ZNF248: variants seen among roughly 807,000 people sequenced by gnomAD.
ZNF248 encodes zinc finger protein 248.
ZNF248 carries 20 observed loss-of-function variants against 44.3 expected under a neutral mutation model. The observed-to-expected ratio is 0.45, with a 90% CI of 0.32 to 0.66. ZNF248 has a LOEUF of 0.66. ZNF248 is among the 30% of genes least tolerant of loss of function. The pLI is 0.04. For synonymous variants in ZNF248, 224 were observed against 229.0 expected (o/e 0.98, Z 0.20); for missense variants, 654 against 677.0 (o/e 0.97, Z 0.38).
At chr10:37,770,217 C>A in the ZNF248 span, among the ~76,000 whole-genome samples, 1 of 152,124 alleles carries the variant, frequency 6.6e-6, no homozygotes, top group Admixed American at 6.5e-5. Flanking sequence ...TTTACAGATT[C>A]AATGCCATCC....
downstream of ZNF248, among the ~76,000 whole-genome samples, chr10:37,774,643 G>A (rs1345679710): frequency 2.0e-5 from 3 of 152,166 alleles, no homozygotes; most frequent in Admixed American, 1.3e-4. Flanking sequence ...AACAAACAGC[G>A]TGGCAATCAC....
chr10:37,791,456 T>G (rs1165301989), intron 6 of ZNF248: 1 of 152,150 alleles, frequency 6.6e-6, no homozygotes, highest in Non-Finnish European at 1.5e-5. Flanking sequence ...TACTTTCAGG[T>G]ATATTCGTTT....
intron 6 of ZNF248, among the ~76,000 whole-genome samples, chr10:37,817,898 C>A: frequency 6.6e-6 from 1 of 151,904 alleles, no homozygotes; most frequent in East Asian, 1.9e-4. Context: ...TCTGTATTTT[C>A]TTTTTTATTT....
the ZNF248 span, among the ~76,000 whole-genome samples, chr10:37,769,611 C>T: frequency 8.5e-3 from 1,290 of 152,152 alleles, 22 homozygotes; most frequent in African/African-American, 0.029. Context: ...TAAGTATTGA[C>T]GGGACGTATC....
At chr10:37,812,780 T>C (rs933340660) in intron 6 of ZNF248, among the ~76,000 whole-genome samples, 1 of 150,754 alleles carries the variant, frequency 6.6e-6, no homozygotes, top group African/African-American at 2.4e-5. Flanking sequence ...ACAATGGTAC[T>C]CCATGGAAGG....
chr10:37,856,995 T>A (rs2061404717), intron 1 of ZNF248, 190 bp downstream of exon 1: 1 of 152,416 alleles, frequency 6.6e-6, no homozygotes, highest in South Asian at 2.1e-4. Flanking sequence ...TGCACTACCA[T>A]CCGGCGGGGA....
At chr10:37,787,005 C>A (rs1267431454) in intron 6 of ZNF248, among the ~76,000 whole-genome samples, 3 of 152,128 alleles carry the variant, frequency 2.0e-5, no homozygotes, top group African/African-American at 7.2e-5. Flanking sequence ...ATAGGCCAGG[C>A]ACTTTGGCTC....
At chr10:37,768,615 C>T in the ZNF248 span, among the ~76,000 whole-genome samples, 1 of 152,068 alleles carries the variant, frequency 6.6e-6, no homozygotes, top group Admixed American at 6.6e-5. Context: ...GGGACACATT[C>T]AAAGCAGTGT....
chr10:37,827,457 T>C (rs909094685), downstream of ZNF248, among the ~76,000 whole-genome samples: 1 of 152,200 alleles, frequency 6.6e-6, no homozygotes, highest in African/African-American at 2.4e-5. Context: ...AGTTCTCACC[T>C]ACCAAAGTAT....
intron 5 of ZNF248, among the ~76,000 whole-genome samples, chr10:37,835,670 G>A (rs1039816189): frequency 3.9e-5 from 6 of 152,156 alleles, no homozygotes; most frequent in Admixed American, 1.3e-4. Flanking sequence ...AGAGGAGAAC[G>A]AGAAGGAATA....
chr10:37,830,385 T>C lies in ZNF248; in HGVS notation c.*1230A>G, dbSNP rs1428467165. On this transcript the variant is annotated 3_prime_UTR_variant, in exon 6 of 6. Coordinates refer to ENST00000395867, the MANE Select transcript of ZNF248 (RefSeq NM_021045.3). Reference sequence around the variant, plus strand: ...GAGGAAAGGTACGTGATATAGTTCTTTGTGAAATAATATTTCACTAAAAAC... The same window carrying C: ...GAGGAAAGGTACGTGATATAGTTCTCTGTGAAATAATATTTCACTAAAAAC... The C allele has an allele frequency of 2.0e-6, 2 of 985,270 alleles. No individual in the cohort carries two copies. The highest frequency in any genetic ancestry group is 1.7e-5 in the African/African-American group (1 of 57,212). The allele number at this position is 985,270 out of a possible 1,614,324, so 61.0% of individuals were successfully genotyped here.
chr10:37,780,547 T>C (rs570071821), intron 6 of ZNF248, among the ~76,000 whole-genome samples: 1 of 152,324 alleles, frequency 6.6e-6, no homozygotes, highest in East Asian at 1.9e-4. Flanking sequence ...ACGACTCTTC[T>C]TGATAGACAT....
intron 6 of ZNF248, among the ~76,000 whole-genome samples, chr10:37,805,001 C>G (rs1373439130): frequency 6.6e-6 from 1 of 151,988 alleles, no homozygotes; most frequent in Non-Finnish European, 1.5e-5. Flanking sequence ...GTGTTCCACT[C>G]CTAAAAGAAG....
intron 3 of ZNF248, among the ~76,000 whole-genome samples, 160 bp from the exon 4 acceptor site, chr10:37,838,271 T>C (rs2134125887): frequency 6.6e-6 from 1 of 152,272 alleles, no homozygotes; most frequent in African/African-American, 2.4e-5. Context: ...ATAAATTGAG[T>C]TTCTACTAAG....
At chr10:37,820,913 C>G (rs2053360149) in intron 6 of ZNF248, 1 of 1,536,534 alleles carries the variant, frequency 6.5e-7, no homozygotes, top group South Asian at 1.1e-5. Context: ...TTACTAATAC[C>G]TACTCTAGTA....
chr10:37,809,324 CTG>C (rs2051130742), intron 6 of ZNF248, among the ~76,000 whole-genome samples: 1 of 152,044 alleles, frequency 6.6e-6, no homozygotes, highest in South Asian at 2.1e-4. Flanking sequence ...GTCACTGAGA[CTG>C]GAGTGCAGTG....
At chr10:37,818,064 C>G (rs1313673735) in intron 6 of ZNF248, among the ~76,000 whole-genome samples, 2 of 152,048 alleles carry the variant, frequency 1.3e-5, no homozygotes, top group Non-Finnish European at 2.9e-5. Flanking sequence ...TATAGGCGCC[C>G]ACCACCAAGC....
the ZNF248 span, among the ~76,000 whole-genome samples, chr10:37,765,589 C>T: frequency 2.6e-5 from 4 of 152,354 alleles, no homozygotes; most frequent in East Asian, 1.9e-4. Context: ...ACAAACTTCA[C>T]TCCTAGCTCT....
downstream of ZNF248, among the ~76,000 whole-genome samples, chr10:37,771,769 TATAATA>T (rs964488437): frequency 1.3e-5 from 2 of 151,862 alleles, no homozygotes; most frequent in African/African-American, 2.4e-5. Context: ...AAACTTAAAG[TATAATA>T]ATAATAAAAT....
Sources: gnomAD v4.1 joint callset for allele counts (sites outside exome capture counted in the v4.1 genomes callset) on GRCh38, gnomAD v4.1.1 for gene constraint, MANE v1.5 for transcripts, NCBI Gene and HGNC (gene_info 2026-07-23, HGNC 2026-07-21) for gene names.